Variants in ALDOB observed in about 807,000 individuals in gnomAD.
ALDOB encodes the protein aldolase, fructose-bisphosphate B, also known as fructose-bisphosphate aldolase B.
Under a neutral mutation model 41.0 loss-of-function variants are expected in ALDOB, and 39 were observed. The ratio of observed to expected loss-of-function variants is 0.95; its 90% CI spans 0.74 to 1.24. ALDOB has a LOEUF of 1.24. ALDOB is among the 50% of genes most tolerant of loss of function. The pLI is 0.00. For missense variants in ALDOB, 530 were observed against 457.3 expected (o/e 1.16, Z -1.45); for synonymous variants, 175 against 168.8 (o/e 1.04, Z -0.28).
At chr9:101,426,404 G>A (rs1174277943) in intron 6 of ALDOB, 151 bp downstream of exon 6, 2 of 652,790 alleles carry the variant, frequency 3.1e-6, no homozygotes, top group Non-Finnish European at 5.6e-6. Flanking sequence ...TGCCAAAAAG[G>A]TGAAGGGCTG....
intron 8 of ALDOB, 40 bp downstream of exon 8, chr9:101,424,803 G>A (rs1400761925): frequency 1.2e-6 from 2 of 1,608,110 alleles, no homozygotes; most frequent in East Asian, 4.5e-5. Flanking sequence ...AGCCCCAAAT[G>A]TGAACATCAT....
rs1831048473 is a variant in ALDOB, at chr9:101,421,660, T to A, written c.*149A>T. 1 of 731,024 alleles carries A rather than the reference T, an allele frequency of 1.4e-6. No individual in the cohort carries two copies. The highest frequency in any genetic ancestry group is 1.7e-5 in the African/African-American group (1 of 57,262). 45.3% of individuals were successfully genotyped at this position (731,024 alleles called of 1,614,324 possible). On this transcript the variant is annotated 3_prime_UTR_variant, in exon 9 of 9. Transcript: ENST00000647789. Reference sequence around the variant, plus strand: ...TTTTATGTTTCAATAACTGATTTATTTTTTCCCCCTTGTACTTAAGATTTA... The same window carrying A: ...TTTTATGTTTCAATAACTGATTTATATTTTCCCCCTTGTACTTAAGATTTA...
Position 101,429,913 on chromosome 9 carries a change from G to C in ALDOB, c.166C>G (p.Arg56Gly). 1 of 1,614,054 alleles carries C rather than the reference G, an allele frequency of 6.2e-7. No homozygotes were observed. Among genetic ancestry groups the C allele is most frequent in the East Asian group, 2.2e-5 (1 of 44,842 alleles). ...RIKVENTEENRRQFREILFSV... is the reference protein window; with the variant it reads ...RIKVENTEENGRQFREILFSV... ...AAGAGGATTTCTCGGAACTGCCGGC[G>C]GTTCTCTTCAGTGTTTTCCACCTTG... The change falls in exon 3 of 9, where the codon CGC becomes GGC. Residue 56 changes from arginine (R) to glycine (G), a missense_variant. Physicochemically the swap from Arg to Gly is moderately radical, Grantham distance 125. Coordinates refer to ENST00000647789, the MANE Select transcript of ALDOB (RefSeq NM_000035.4).
In ALDOB at chr9:101,420,737, C is replaced by T. The variant is rs966873405; in HGVS notation, c.*1072G>A. The T allele has an allele frequency of 6.6e-6, 1 of 152,096 alleles. No homozygotes were observed. The highest frequency in any genetic ancestry group is 2.4e-5 in the African/African-American group (1 of 41,422). 9.4% of individuals were successfully genotyped at this position (152,096 alleles called of 1,614,324 possible). On this transcript the variant is annotated 3_prime_UTR_variant, in exon 9 of 9. Transcript: ENST00000647789. Reference sequence around the variant, plus strand: ...TTCTCCTCCCCCTTATATTTCCTAGCTTCTGTCAGTTAAATCATCACTTTT... The same window carrying T: ...TTCTCCTCCCCCTTATATTTCCTAGTTTCTGTCAGTTAAATCATCACTTTT...
At chr9:101,430,719 G>A (rs1831204377) in intron 2 of ALDOB, 57 bp downstream of exon 2, 1 of 1,318,036 alleles carries the variant, frequency 7.6e-7, no homozygotes, top group African/African-American at 1.4e-5. Context: ...AGTTGTTTTT[G>A]CTAAGTGTAG....
At chr9:101,423,768 C>G (rs1031768281) in intron 8 of ALDOB, among the ~76,000 whole-genome samples, 4 of 152,168 alleles carry the variant, frequency 2.6e-5, no homozygotes, top group African/African-American at 4.8e-5. Flanking sequence ...TTTACTGTCT[C>G]CTCTGGCTCC....
rs1358872005 is a variant in ALDOB, at chr9:101,421,726, G to A, written c.*83C>T. The A allele has an allele frequency of 8.3e-6, 9 of 1,086,664 alleles. No individual in the cohort carries two copies. Among genetic ancestry groups the A allele is most frequent in the South Asian group, 5.2e-5 (4 of 77,646 alleles). 67.3% of individuals were successfully genotyped at this position (1,086,664 alleles called of 1,614,324 possible). A position where few individuals can be genotyped will look rare whatever the true frequency, so the allele number is the denominator to read the frequency against. On this transcript the variant is annotated 3_prime_UTR_variant, in exon 9 of 9. Transcript: ENST00000647789. The stretch of plus-strand genomic sequence containing the variant: ...CCAGCAGTTCAAATCTAATTGTGTC[G>A]AATTTCCAGGATTGGAGGAAAAGTT...
intron 2 of ALDOB, 27 bp from the exon 3 acceptor site, chr9:101,429,993 T>C: frequency 1.2e-6 from 2 of 1,603,968 alleles, no homozygotes; most frequent in South Asian, 1.1e-5. Context: ...AAGGGCAGCA[T>C]AAGGAGCAAG....
chr9:101,421,675 C>G lies in ALDOB; in HGVS notation c.*134G>C. ...ACTGATTTATTTTTTCCCCCTTGTA[C>G]TTAAGATTTAACATGTGTTGTATTT... is the stretch of plus-strand genomic sequence containing the variant. On this transcript the variant is annotated 3_prime_UTR_variant, in exon 9 of 9. Transcript: ENST00000647789. 1 of 767,156 alleles carries G rather than the reference C, an allele frequency of 1.3e-6. No individual in the cohort carries two copies. Among genetic ancestry groups the G allele is most frequent in the South Asian group, 1.5e-5 (1 of 68,068 alleles). 47.5% of individuals were successfully genotyped at this position (767,156 alleles called of 1,614,324 possible). A position where few individuals can be genotyped will look rare whatever the true frequency, so the allele number is the denominator to read the frequency against.
At chr9:101,428,593 C>A (rs935255541) in intron 3 of ALDOB, 70 bp from the exon 4 acceptor site, 1 of 1,271,662 alleles carries the variant, frequency 7.9e-7, no homozygotes, top group Non-Finnish European at 1.2e-6. Context: ...AACTAACTAA[C>A]AGTTTGCATC....
At chr9:101,427,267 T>C (rs975351163) in intron 5 of ALDOB, among the ~76,000 whole-genome samples, 1 of 152,274 alleles carries the variant, frequency 6.6e-6, no homozygotes. Context: ...GATGGCATTA[T>C]CCTTTGAACT....
rs1047037430 is a variant in ALDOB, at chr9:101,421,269, T to A, written c.*540A>T. The stretch of plus-strand genomic sequence containing the variant: ...CTTGATTCCAATGACTAGCAAGAGT[T>A]GAAGACCTTTACTGTTGAAACCCAG... On this transcript the variant is annotated 3_prime_UTR_variant, in exon 9 of 9. Coordinates refer to ENST00000647789, the MANE Select transcript of ALDOB (RefSeq NM_000035.4). 3 of 168,606 alleles carry A rather than the reference T, an allele frequency of 1.8e-5. No homozygotes were observed. Among genetic ancestry groups the A allele is most frequent in the African/African-American group, 7.2e-5 (3 of 41,640 alleles). The allele number at this position is 168,606 out of a possible 1,614,324, so 10.4% of individuals were successfully genotyped here. A position where few individuals can be genotyped will look rare whatever the true frequency, so the allele number is the denominator to read the frequency against.
chr9:101,428,348 G>C (rs1036739871), intron 4 of ALDOB, 121 bp downstream of exon 4: 8 of 902,952 alleles, frequency 8.9e-6, no homozygotes, highest in African/African-American at 4.9e-5. Context: ...TTGAAAACCA[G>C]GTACGTGTGG....
chr9:101,431,509 G>T (rs1217088505), intron 1 of ALDOB, among the ~76,000 whole-genome samples: 1 of 152,200 alleles, frequency 6.6e-6, no homozygotes, highest in African/African-American at 2.4e-5. Context: ...CAGAGAGGAT[G>T]TTTCCTAAGT....
intron 2 of ALDOB, among the ~76,000 whole-genome samples, chr9:101,430,216 T>C (rs1056106779): frequency 4.6e-5 from 7 of 152,146 alleles, no homozygotes; most frequent in Admixed American, 4.6e-4. Flanking sequence ...TCCAGGTGGA[T>C]ATGGAAGGCC....
intron 2 of ALDOB, 91 bp from the exon 3 acceptor site, chr9:101,430,057 T>TG: frequency 8.7e-7 from 1 of 1,151,662 alleles, no homozygotes; most frequent in South Asian, 1.2e-5. Flanking sequence ...CTCACCACAG[T>TG]GGAAAGCAAG....
rs761061896 is a variant in ALDOB, at chr9:101,425,480, G to A, written c.772C>T (p.His258Tyr). Reference protein sequence around the residue: ...QVAMATVTALHRTVPAAVPGI... With the variant: ...QVAMATVTALYRTVPAAVPGI... Reference sequence around the variant, plus strand: ...GGAACAGCTGCAGGAACAGTACGGTGGAGAGCTGTTACGGTGGCCATAGCT... The same window carrying A: ...GGAACAGCTGCAGGAACAGTACGGTAGAGAGCTGTTACGGTGGCCATAGCT... Residue 258 changes from histidine (H) to tyrosine (Y), a missense_variant, in exon 7 of 9, where the codon CAC becomes TAC. Transcript: ENST00000647789. 4.3e-6 allele frequency: 7 copies of A among 1,614,094 alleles called. No individual in the cohort carries two copies. Among genetic ancestry groups the A allele is most frequent in the Non-Finnish European group, 5.1e-6 (6 of 1,180,046 alleles).
intron 3 of ALDOB, among the ~76,000 whole-genome samples, chr9:101,428,734 C>T (rs1286046950): frequency 2.0e-5 from 3 of 152,196 alleles, no homozygotes; most frequent in Non-Finnish European, 4.4e-5. Context: ...TGAGCACCTG[C>T]ATGCACCAGG....
At chr9:101,429,553 G>A (rs1317799819) in intron 3 of ALDOB, among the ~76,000 whole-genome samples, 1 of 152,130 alleles carries the variant, frequency 6.6e-6, no homozygotes, top group Non-Finnish European at 1.5e-5. Flanking sequence ...TTAAGAACGT[G>A]TAGAAAATTT....
Sources: allele counts gnomAD v4.1 joint callset (sites outside exome capture counted in the v4.1 genomes callset), GRCh38; gene constraint gnomAD v4.1.1; transcripts MANE v1.5; gene names NCBI Gene and HGNC (gene_info 2026-07-23, HGNC 2026-07-21).